The following KIAA1549 variants were observed in gnomAD, a reference collection of about 807,000 sequenced individuals.
KIAA1549 encodes UPF0606 protein KIAA1549.
KIAA1549 carries 70 observed loss-of-function variants against 156.4 expected under a neutral mutation model. The observed-to-expected ratio is 0.45, with a 90% CI of 0.37 to 0.55. The LOEUF (loss-of-function observed/expected upper bound fraction) is 0.55. Ranked by LOEUF, KIAA1549 falls within the 20% of genes least tolerant of loss-of-function variation. The pLI, the probability that KIAA1549 is intolerant of heterozygous loss-of-function variation, is 0.00. For synonymous variants in KIAA1549, 1,103 were observed against 1,066.4 expected (o/e 1.03, Z -0.67); for missense variants, 2,428 against 2,540.9 (o/e 0.96, Z 0.96).
In KIAA1549 at chr7:138,837,892, C is replaced by T. The variant is rs779277596; in HGVS notation, c.*14G>A. On this transcript the variant is annotated 3_prime_UTR_variant, in exon 20 of 20. Transcript: ENST00000422774. ...AGGAAGCGGATACTTGGCAAATCTG[C>T]GAGGCGAGGCCGATCAGCTGTGGAA... The T allele has an allele frequency of 9.9e-6, 16 of 1,609,848 alleles. No homozygotes were observed. Among genetic ancestry groups the T allele is most frequent in the Admixed American group, 5.0e-5 (3 of 59,604 alleles).
intron 16 of KIAA1549, among the ~76,000 whole-genome samples, chr7:138,854,734 C>T (rs186247195): frequency 1.4e-4 from 22 of 152,182 alleles, no homozygotes; most frequent in Non-Finnish European, 2.8e-4. Context: ...ATCAGGGTAA[C>T]ATCAAAAGTC....
intron 1 of KIAA1549, among the ~76,000 whole-genome samples, chr7:138,938,772 G>C (rs553728285): frequency 2.0e-4 from 31 of 152,340 alleles, no homozygotes; most frequent in African/African-American, 7.5e-4. Context: ...TATAGGCCAG[G>C]CACAGTGGCT....
At chr7:138,840,613 A>G (rs770501157) in intron 18 of KIAA1549, among the ~76,000 whole-genome samples, 2 of 152,176 alleles carry the variant, frequency 1.3e-5, no homozygotes, top group African/African-American at 4.8e-5. Flanking sequence ...CGTGACATTC[A>G]TCCCTAAGCC....
At chr7:138,923,783 G>C (rs993718005) in intron 1 of KIAA1549, among the ~76,000 whole-genome samples, 8 of 152,132 alleles carry the variant, frequency 5.3e-5, no homozygotes, top group Admixed American at 1.3e-4. Flanking sequence ...AGCAGAGATG[G>C]AGATCAAGAG....
At chr7:138,879,687 A>G (rs1394755308) in intron 11 of KIAA1549, 34 bp from the exon 12 acceptor site, 7 of 1,314,240 alleles carry the variant, frequency 5.3e-6, no homozygotes, top group Non-Finnish European at 7.3e-6. Flanking sequence ...AACATTAGAA[A>G]CAAGAAAGAA....
Position 138,905,064 on chromosome 7 carries a change from G to C in KIAA1549, c.3478C>G (p.Leu1160Val). 1 of 1,576,242 alleles carries C rather than the reference G, an allele frequency of 6.3e-7. No homozygotes were observed. The highest frequency in any genetic ancestry group is 1.2e-5 in the South Asian group (1 of 85,684). ...GACTTCAGCAACTGAGATAAGTTGA[G>C]CTGTGGATACTGGAAGGCTACAAAA... ...QIAEPFQYPQ[L>V]NLSQLLKSSW... The change falls in exon 7 of 20, where the codon CTC (leucine) becomes GTC (valine). Residue 1160 changes from leucine (L) to valine (V), a missense_variant. Leu to Val is a conservative substitution (Grantham distance 32). Transcript: ENST00000422774.
intron 1 of KIAA1549, among the ~76,000 whole-genome samples, chr7:138,920,448 A>C (rs1002775646): frequency 1.3e-5 from 2 of 151,144 alleles, no homozygotes; most frequent in Non-Finnish European, 2.9e-5. Context: ...TAGGAGCTCA[A>C]TTGACATCAC....
chr7:138,854,295 A>G (rs186108418), intron 16 of KIAA1549, among the ~76,000 whole-genome samples: 25 of 152,282 alleles, frequency 1.6e-4, no homozygotes, highest in Admixed American at 1.4e-3. Context: ...CCCGAGGTAA[A>G]GCAACCAGAC....
Position 138,869,597 on chromosome 7 carries a change from G to A in KIAA1549, c.4716C>T (p.Ile1572=), listed in dbSNP as rs28523576. ...TGGCCGTGGGGTCCAGGATCTTGTC[G>A]ATCTGCATCTGTGCCCTGCGGTACA... The part of the protein sequence containing the change: ...HRVYRRAQMQ[I]DKILDPTASV... The change falls in exon 14 of 20, where the codon ATC becomes ATT. Residue 1572 remains isoleucine, a synonymous_variant. Coordinates refer to ENST00000422774, the MANE Select transcript of KIAA1549 (RefSeq NM_001164665.2). 1.2e-3 allele frequency: 1,971 copies of A among 1,601,850 alleles called. 20 individuals carry two copies. In the African/African-American group the frequency reaches 0.022, roughly 18 times the overall value.
Position 138,917,554 on chromosome 7 carries a change from A to G in KIAA1549, c.2072T>C (p.Leu691Pro). Reference protein sequence around the residue: ...SQLSLPSSTNLEFSQLQPSSE... With the variant: ...SQLSLPSSTNPEFSQLQPSSE... ...ACTTGGCTGGAGCTGCGAAAACTCAAGATTTGTGGAACTGGGAAGAGACAG... is the reference window on the plus strand; with the variant it reads ...ACTTGGCTGGAGCTGCGAAAACTCAGGATTTGTGGAACTGGGAAGAGACAG... Residue 691 changes from leucine to proline, a missense_variant, in exon 2 of 20, where the codon CTT becomes CCT. Leu to Pro is a moderately conservative substitution (Grantham distance 98, BLOSUM62 -3). Transcript: ENST00000422774. 6.2e-7 allele frequency: 1 copy of G among 1,613,926 alleles called. No individual in the cohort carries two copies. The highest frequency in any genetic ancestry group is 8.5e-7 in the Non-Finnish European group (1 of 1,179,878).
chr7:138,924,194 TC>T (rs368612231), intron 1 of KIAA1549, among the ~76,000 whole-genome samples: 107 of 134,570 alleles, frequency 8.0e-4, no homozygotes, highest in East Asian at 3.9e-3. Context: ...TTTTTTTTTT[TC>T]TTTTTTTTTT....
rs1047336149 is a variant in KIAA1549, at chr7:138,836,174, T to C, written c.*1732A>G. Reference sequence around the variant, plus strand: ...TGTTATTTAATGAAAAGTACAGTCATGCACACATCAGGATGTTTTGGTCAA... The same window carrying C: ...TGTTATTTAATGAAAAGTACAGTCACGCACACATCAGGATGTTTTGGTCAA... On this transcript the variant is annotated 3_prime_UTR_variant, in exon 20 of 20. Transcript: ENST00000422774. 1 of 209,238 alleles carries C rather than the reference T, an allele frequency of 4.8e-6. No individual in the cohort carries two copies. Among genetic ancestry groups the C allele is most frequent in the African/African-American group, 2.3e-5 (1 of 43,994 alleles). The allele number at this position is 209,238 out of a possible 1,614,324, so 13.0% of individuals were successfully genotyped here.
At chr7:138,874,015 T>C (rs1051662908) in intron 12 of KIAA1549, among the ~76,000 whole-genome samples, 2 of 148,436 alleles carry the variant, frequency 1.3e-5, no homozygotes, top group Non-Finnish European at 3.0e-5. Context: ...GAACTGTATA[T>C]GTAATATATA....
At chr7:138,951,444 T>C (rs148581552) in intron 1 of KIAA1549, among the ~76,000 whole-genome samples, 1 of 152,158 alleles carries the variant, frequency 6.6e-6, no homozygotes, top group Non-Finnish European at 1.5e-5. Flanking sequence ...CCTGGGTGTT[T>C]CCTTGAGTGC....
intron 14 of KIAA1549, among the ~76,000 whole-genome samples, chr7:138,869,330 C>A (rs1810850744): frequency 6.6e-6 from 1 of 152,248 alleles, no homozygotes; most frequent in Non-Finnish European, 1.5e-5. Flanking sequence ...ACTAAGGTGA[C>A]CCTCAGCCAG....
chr7:138,845,432 T>C (rs1442391560), intron 17 of KIAA1549, among the ~76,000 whole-genome samples: 1 of 152,160 alleles, frequency 6.6e-6, no homozygotes, highest in Non-Finnish European at 1.5e-5. Context: ...AAAAAAATAT[T>C]GCAGGCATTC....
Position 138,868,038 on chromosome 7 carries a change from T to G in KIAA1549, c.4866A>C (p.Thr1622=). Residue 1622 remains threonine, a synonymous_variant, in exon 15 of 20, where the codon ACA becomes ACC. Coordinates refer to ENST00000422774, the MANE Select transcript of KIAA1549 (RefSeq NM_001164665.2). ...ADAEKDRLIT[T]DSDGTYRRPP... ...GCCTCCTGTAGGTGCCATCGCTGTC[T>G]GTGGTGATGAGCCGGTCCTTCTCAG... is the stretch of plus-strand genomic sequence containing the variant. 3 of 1,613,956 alleles carry G rather than the reference T, an allele frequency of 1.9e-6. No individual in the cohort carries two copies. The highest frequency in any genetic ancestry group is 2.5e-6 in the Non-Finnish European group (3 of 1,179,866).
intron 16 of KIAA1549, 125 bp downstream of exon 16, chr7:138,861,014 A>G (rs1810554467): frequency 2.3e-6 from 2 of 870,490 alleles, no homozygotes; most frequent in Non-Finnish European, 3.7e-6. Context: ...ACTAAGACCC[A>G]TCACCCGAGT....
At chr7:138,980,967 G>C in intron 1 of KIAA1549, 116 bp downstream of exon 1, 1 of 951,708 alleles carries the variant, frequency 1.1e-6, no homozygotes, top group Non-Finnish European at 1.3e-6. Flanking sequence ...CAGAAAGGAC[G>C]GCGAGGGAGC....
Sources: allele counts gnomAD v4.1 joint callset (sites outside exome capture counted in the v4.1 genomes callset), GRCh38; gene constraint gnomAD v4.1.1; transcripts MANE v1.5; gene names NCBI Gene and HGNC (gene_info 2026-07-23, HGNC 2026-07-21).